The following AGBL4 variants were observed in gnomAD, a reference collection of about 807,000 sequenced individuals.
The protein encoded by AGBL4 is cytosolic carboxypeptidase 6.
Under a neutral mutation model 66.4 loss-of-function variants are expected in AGBL4, and 58 were observed. That is an observed-to-expected ratio of 0.87 (90% confidence interval 0.71 to 1.09). The LOEUF is 1.09. AGBL4 is among the 50% of genes least tolerant of loss of function. AGBL4 has a pLI of 0.00. For missense variants in AGBL4, 579 were observed against 631.0 expected (o/e 0.92, Z 0.88); for synonymous variants, 234 against 222.9 (o/e 1.05, Z -0.44).
chr1:49,271,634 T>C (rs1644061628), intron 3 of AGBL4, among the ~76,000 whole-genome samples: 1 of 152,096 alleles, frequency 6.6e-6, no homozygotes, highest in Admixed American at 6.6e-5. Context: ...ACTAAAACCC[T>C]TTTTAAATTA....
intron 3 of AGBL4, among the ~76,000 whole-genome samples, chr1:49,564,837 G>C (rs1644151515): frequency 6.6e-6 from 1 of 152,206 alleles, no homozygotes; most frequent in Non-Finnish European, 1.5e-5. Flanking sequence ...TTGGTGCAGA[G>C]CTGAGTTCAA....
At chr1:49,000,105 T>C (rs982285849) in intron 5 of AGBL4, among the ~76,000 whole-genome samples, 15 of 152,176 alleles carry the variant, frequency 9.9e-5, no homozygotes, top group African/African-American at 3.6e-4. Context: ...TATTAGCTAG[T>C]TTTATCATCT....
At chr1:49,711,219 T>C (rs2124658789) in intron 2 of AGBL4, among the ~76,000 whole-genome samples, 1 of 152,222 alleles carries the variant, frequency 6.6e-6, no homozygotes, top group Admixed American at 6.6e-5. Context: ...ACACCAATTA[T>C]ATGACCTAGC....
chr1:49,646,469 A>T (rs574568857), intron 3 of AGBL4, among the ~76,000 whole-genome samples: 1 of 152,056 alleles, frequency 6.6e-6, no homozygotes, highest in South Asian at 2.1e-4. Context: ...CTTAGAAATA[A>T]ATCTGACAAA....
At chr1:49,299,662 C>T (rs1206226396) in intron 3 of AGBL4, among the ~76,000 whole-genome samples, 1 of 152,116 alleles carries the variant, frequency 6.6e-6, no homozygotes, top group East Asian at 1.9e-4. Context: ...CTAGGACTTC[C>T]CATACTTACA....
chr1:49,068,887 C>T (rs1644544093), intron 4 of AGBL4, among the ~76,000 whole-genome samples: 2 of 152,176 alleles, frequency 1.3e-5, no homozygotes, highest in South Asian at 4.1e-4. Flanking sequence ...TCCTCTCCAG[C>T]ACCTGTTGTT....
chr1:49,528,295 T>C (rs1237233026), intron 3 of AGBL4, among the ~76,000 whole-genome samples: 1 of 152,080 alleles, frequency 6.6e-6, no homozygotes, highest in African/African-American at 2.4e-5. Flanking sequence ...GACACTTACG[T>C]ATCTTATTAT....
chr1:48,686,675 G>A (rs1287346257), intron 6 of AGBL4, among the ~76,000 whole-genome samples: 1 of 152,166 alleles, frequency 6.6e-6, no homozygotes, highest in African/African-American at 2.4e-5. Context: ...ACACACGGTG[G>A]GGACTTTCGG....
intron 3 of AGBL4, among the ~76,000 whole-genome samples, chr1:49,620,863 CTTTT>C (rs34261884): frequency 6.8e-6 from 1 of 147,776 alleles, no homozygotes; most frequent in African/African-American, 2.5e-5. Flanking sequence ...CCAAATCAAC[CTTTT>C]TTTTTTCAAA....
intron 4 of AGBL4, among the ~76,000 whole-genome samples, chr1:49,210,388 G>T (rs1276830487): frequency 6.6e-6 from 1 of 152,036 alleles, no homozygotes; most frequent in Non-Finnish European, 1.5e-5. Context: ...AAGTGTGGGT[G>T]TCACTTGCAT....
intron 6 of AGBL4, among the ~76,000 whole-genome samples, chr1:48,838,563 T>C (rs962723657): frequency 1.3e-5 from 2 of 152,076 alleles, no homozygotes; most frequent in Non-Finnish European, 2.9e-5. Flanking sequence ...TGTAAATGTA[T>C]TACCTGCAAC....
intron 3 of AGBL4, among the ~76,000 whole-genome samples, chr1:49,530,742 A>T (rs1166739722): frequency 6.6e-6 from 1 of 152,068 alleles, no homozygotes; most frequent in South Asian, 2.1e-4. Flanking sequence ...TCCAAGGAAA[A>T]GTGGGAACAG....
At position 48,563,163 on chromosome 1, in the gene AGBL4, G is replaced by A. The variant is rs544241553; in HGVS notation, c.1268-23425C>T. Among the ~76,000 whole-genome samples, 21 of 152,258 alleles carry A rather than the reference G, an allele frequency of 1.4e-4. No homozygotes were observed. In the South Asian group the frequency reaches 3.3e-3, roughly 24 times the overall value. ...TGCTGCCAAGTTCATTAATAATTTC[G>A]GCTTTCTGGAGGAAGGAGTTGGATT... On this transcript the variant is annotated intron_variant, in intron 11 of 13. Coordinates refer to ENST00000371839, the MANE Select transcript of AGBL4 (RefSeq NM_032785.4).
chr1:49,035,312 G>A (rs1225939570), intron 5 of AGBL4, among the ~76,000 whole-genome samples: 1 of 152,108 alleles, frequency 6.6e-6, no homozygotes, highest in Admixed American at 6.6e-5. Context: ...GAATTTGATT[G>A]AGGGGCATAA....
Position 48,892,446 on chromosome 1 carries a change from C to T in AGBL4, c.595-25216G>A, listed in dbSNP as rs181217791. On this transcript the variant is annotated intron_variant, in intron 5 of 13. Coordinates refer to ENST00000371839, the MANE Select transcript of AGBL4 (RefSeq NM_032785.4). ...TGCCTGTAACACAGCCACAGGGGGT[C>T]CTGATGACATGTGCCCAAGGTGGTC... is the stretch of plus-strand genomic sequence containing the variant. Among the ~76,000 whole-genome samples the T allele has an allele frequency of 1.8e-3, 277 of 152,190 alleles. 1 individual carries two copies. The highest frequency in any genetic ancestry group is 6.4e-3 in the African/African-American group (266 of 41,502).
intron 3 of AGBL4, among the ~76,000 whole-genome samples, chr1:49,432,815 A>C (rs1645816272): frequency 6.6e-6 from 1 of 152,142 alleles, no homozygotes; most frequent in African/African-American, 2.4e-5. Context: ...TATGTTAATG[A>C]TTGATGGTCT....
At chr1:49,572,151 G>C (rs1234610306) in intron 3 of AGBL4, among the ~76,000 whole-genome samples, 1 of 152,096 alleles carries the variant, frequency 6.6e-6, no homozygotes, top group Non-Finnish European at 1.5e-5. Context: ...AATGGTATTA[G>C]TTATTTTTTG....
chr1:49,456,598 G>C (rs769181561), intron 3 of AGBL4, among the ~76,000 whole-genome samples: 2 of 151,368 alleles, frequency 1.3e-5, no homozygotes, highest in Non-Finnish European at 3.0e-5. Flanking sequence ...ATTTCAACAG[G>C]TTTCTGGTAA....
intron 1 of AGBL4, among the ~76,000 whole-genome samples, chr1:49,978,263 A>G (rs1658743742): frequency 6.6e-6 from 1 of 152,152 alleles, no homozygotes; most frequent in African/African-American, 2.4e-5. Context: ...ACCCTGGGCA[A>G]CATAGCAAGA....
Sources: allele counts gnomAD v4.1 joint callset (sites outside exome capture counted in the v4.1 genomes callset), GRCh38; gene constraint gnomAD v4.1.1; transcripts MANE v1.5; gene names NCBI Gene and HGNC (gene_info 2026-07-23, HGNC 2026-07-21).